SBNO2: variants seen among roughly 807,000 people sequenced by gnomAD.
SBNO2 encodes the protein strawberry notch homolog 2, also known as protein strawberry notch homolog 2.
In SBNO2, 89 loss-of-function variants were observed where a neutral mutation model predicts 146.3. The observed-to-expected ratio is 0.61, with a 90% CI of 0.51 to 0.73. The LOEUF (loss-of-function observed/expected upper bound fraction) is 0.73, where lower values mean the gene tolerates loss of function less well. SBNO2 is among the 30% of genes least tolerant of loss of function. The pLI is 0.00. For synonymous variants in SBNO2, 1,147 were observed against 892.6 expected (o/e 1.29, Z -5.08); for missense variants, 2,092 against 2,003.7 (o/e 1.04, Z -0.84).
At chr19:1,133,607 C>A (rs888698877) in intron 4 of SBNO2, among the ~76,000 whole-genome samples, 1 of 152,196 alleles carries the variant, frequency 6.6e-6, no homozygotes, top group Non-Finnish European at 1.5e-5. Flanking sequence ...AACACGGGTC[C>A]GTGCCGCTGG....
At chr19:1,145,921 C>A (rs1278506287) in intron 4 of SBNO2, among the ~76,000 whole-genome samples, 3 of 152,110 alleles carry the variant, frequency 2.0e-5, no homozygotes, top group African/African-American at 7.2e-5. Context: ...ACACTGGGGG[C>A]TACAGGACAG....
intron 4 of SBNO2, chr19:1,132,119 G>T (rs867412876): frequency 1.3e-6 from 2 of 1,531,910 alleles, no homozygotes; most frequent in Non-Finnish European, 1.7e-6. Flanking sequence ...TGCAGCCACA[G>T]CTGCAGCTGG....
chr19:1,129,309 C>T lies in SBNO2; in HGVS notation c.280-1544G>A, dbSNP rs1433815229. The stretch of plus-strand genomic sequence containing the variant: ...AAAAAAACCAGGCATGTCAAGGGGG[C>T]GCTGTCTCTCCCTGGAAGCTGTGGG... On this transcript the variant is annotated intron_variant, in intron 4 of 31. Coordinates refer to ENST00000361757, the MANE Select transcript of SBNO2 (RefSeq NM_014963.3). 5.3e-5 allele frequency among the ~76,000 whole-genome samples: 8 copies of T among 152,040 alleles called. No individual in the cohort carries two copies. The East Asian group carries it at 1.4e-3, about 26-fold the overall frequency.
chr19:1,128,793 C>A (rs563476796), intron 4 of SBNO2, among the ~76,000 whole-genome samples: 4 of 151,650 alleles, frequency 2.6e-5, no homozygotes, highest in African/African-American at 9.7e-5. Flanking sequence ...TATGGCAAAA[C>A]CCCATTTCTA....
chr19:1,167,060 G>A (rs1034928158), intron 1 of SBNO2, among the ~76,000 whole-genome samples: 2 of 152,280 alleles, frequency 1.3e-5, no homozygotes, highest in Non-Finnish European at 2.9e-5. Context: ...AGGTCCTGGA[G>A]GAGGAGGAAG....
intron 4 of SBNO2, among the ~76,000 whole-genome samples, chr19:1,145,510 G>T (rs1291953176): frequency 2.0e-5 from 3 of 151,294 alleles, no homozygotes; most frequent in South Asian, 2.1e-4. Context: ...AGGAAAGAGA[G>T]AAGGAACACA....
At chr19:1,170,650 T>C (rs564126061) in intron 1 of SBNO2, among the ~76,000 whole-genome samples, 23 of 151,672 alleles carry the variant, frequency 1.5e-4, no homozygotes, top group Non-Finnish European at 2.9e-4. Flanking sequence ...GCCACACACG[T>C]GCACACAACA....
At chr19:1,166,617 G>GCACACACACACACACA (rs71932539) in intron 1 of SBNO2, among the ~76,000 whole-genome samples, 1 of 136,276 alleles carries the variant, frequency 7.3e-6, no homozygotes, top group African/African-American at 2.5e-5. Context: ...AACTGCACGC[G>GCACACACACACACACA]CACACACACA....
intron 1 of SBNO2, among the ~76,000 whole-genome samples, chr19:1,159,267 G>A (rs927198124): frequency 6.6e-6 from 1 of 151,810 alleles, no homozygotes; most frequent in South Asian, 2.1e-4. Flanking sequence ...CAGGCACCTG[G>A]GCAGGCCCCA....
chr19:1,159,697 C>T (rs1408578001), intron 1 of SBNO2, among the ~76,000 whole-genome samples: 2 of 67,770 alleles, frequency 3.0e-5, no homozygotes, highest in Admixed American at 3.6e-4. Context: ...GGGGGGGCAG[C>T]GGCGGATGGG....
chr19:1,128,360 G>A (rs557379682), intron 4 of SBNO2: 69 of 343,918 alleles, frequency 2.0e-4, no homozygotes, highest in Non-Finnish European at 3.0e-4. Flanking sequence ...ACACACACAC[G>A]CGCTGCCCAG....
chr19:1,117,987 G>A (rs192590329), intron 14 of SBNO2, among the ~76,000 whole-genome samples: 10 of 152,334 alleles, frequency 6.6e-5, no homozygotes, highest in Admixed American at 2.0e-4. Context: ...GCCCCACCCC[G>A]GAGAGCAACC....
intron 2 of SBNO2, among the ~76,000 whole-genome samples, 178 bp from the exon 3 acceptor site, chr19:1,149,620 C>T (rs2080224470): frequency 6.6e-6 from 1 of 152,212 alleles, no homozygotes; most frequent in African/African-American, 2.4e-5. Context: ...CCTCAGTTTC[C>T]CCACCTGCAC....
At chr19:1,167,865 G>C (rs2080441077) in intron 1 of SBNO2, among the ~76,000 whole-genome samples, 1 of 152,196 alleles carries the variant, frequency 6.6e-6, no homozygotes, top group Non-Finnish European at 1.5e-5. Context: ...CGGCCACTGA[G>C]TACGGGAGCA....
At position 1,119,893 on chromosome 19, in the gene SBNO2, C is replaced by A; in HGVS notation, c.1267+13G>T. Reference sequence around the variant, plus strand: ...TGCTGCGGGTGGGTCACGTGGGATCCGCACCGCCCCACCTGTGGCGCTGGC... The same window carrying A: ...TGCTGCGGGTGGGTCACGTGGGATCAGCACCGCCCCACCTGTGGCGCTGGC... On this transcript the variant is annotated intron_variant, in intron 12 of 31. Coordinates refer to ENST00000361757, the MANE Select transcript of SBNO2 (RefSeq NM_014963.3). The A allele has an allele frequency of 6.5e-7, 1 of 1,535,726 alleles. No individual in the cohort carries two copies. The highest frequency in any genetic ancestry group is 8.8e-7 in the Non-Finnish European group (1 of 1,139,294).
At chr19:1,148,504 G>A (rs865875775) in intron 3 of SBNO2, among the ~76,000 whole-genome samples, 3 of 3,060 alleles carry the variant, frequency 9.8e-4, no homozygotes, top group African/African-American at 5.3e-3. Context: ...AAAACCTCCC[G>A]CCCCTTCCCA....
intron 1 of SBNO2, 95 bp downstream of exon 1, chr19:1,174,077 G>T (rs1028443172): frequency 1.3e-5 from 2 of 149,532 alleles, no homozygotes; most frequent in African/African-American, 4.9e-5. Context: ...AGCCCCGGGC[G>T]CAGGGGTCCG....
At position 1,147,436 on chromosome 19, in the gene SBNO2, G is replaced by GGGGGGGA; in HGVS notation, c.168-17_168-16insTCCCCCC. 7.7e-7 allele frequency: 1 copy of GGGGGGGA among 1,301,304 alleles called. No homozygotes were observed. The highest frequency in any genetic ancestry group is 1.6e-5 in the African/African-American group (1 of 64,394). The allele number at this position is 1,301,304 out of a possible 1,614,324, so 80.6% of individuals were successfully genotyped here. On this transcript the variant is annotated splice_polypyrimidine_tract_variant and intron_variant, in intron 3 of 31. Transcript: ENST00000361757. ...CATGAACGGGCTGGAGGGAGATGGG[G>GGGGGGGA]GGGGGGGAGGTGAGATGGGGTGCTC...
chr19:1,113,131 A>C, intron 19 of SBNO2, among the ~76,000 whole-genome samples, 182 bp from the exon 20 acceptor site: 1 of 152,180 alleles, frequency 6.6e-6, no homozygotes, highest in East Asian at 1.9e-4. Flanking sequence ...TGCCTGTCCA[A>C]GGCCTGGTAT....
Sources: gnomAD v4.1 joint callset for allele counts (sites outside exome capture counted in the v4.1 genomes callset) on GRCh38, gnomAD v4.1.1 for gene constraint, MANE v1.5 for transcripts, NCBI Gene and HGNC (gene_info 2026-07-23, HGNC 2026-07-21) for gene names.